Variants in KLHL13 observed in about 807,000 individuals in gnomAD.
KLHL13 encodes the protein kelch-like protein 13.
Under a neutral mutation model 37.1 loss-of-function variants are expected in KLHL13, and 10 were observed. The ratio of observed to expected loss-of-function variants is 0.27; its 90% CI spans 0.17 to 0.46. The LOEUF is 0.46. Among genes scored for constraint, KLHL13 ranks in the 20% least tolerant of loss-of-function variants. The pLI, the probability that KLHL13 is intolerant of heterozygous loss-of-function variation, is 1.00. For missense variants in KLHL13, 360 were observed against 509.3 expected, an observed-to-expected ratio of 0.71 and a Z score of 2.82; for synonymous variants, 163 against 181.2, an observed-to-expected ratio of 0.90 and a Z score of 0.81.
intron 1 of KLHL13, among the ~76,000 whole-genome samples, chrX:118,035,577 T>C (rs1027130314): frequency 1.8e-5 from 2 of 108,568 alleles, no homozygotes; most frequent in South Asian, 3.8e-4. Flanking sequence ...AAATTAGGTA[T>C]TGATGAGACA....
chrX:117,994,969 G>A (rs2053838388), intron 1 of KLHL13, among the ~76,000 whole-genome samples: 2 of 111,847 alleles, frequency 1.8e-5, no homozygotes, highest in African/African-American at 6.5e-5. Context: ...GATCACTTGA[G>A]TCATAGAGTT....
chrX:117,963,114 A>C (rs2053333243), intron 1 of KLHL13, among the ~76,000 whole-genome samples: 1 of 111,855 alleles, frequency 8.9e-6, no homozygotes. Context: ...TTTGTTATTG[A>C]AGATAAGTTA....
chrX:118,028,128 T>C (rs2148024854), intron 1 of KLHL13, among the ~76,000 whole-genome samples: 1 of 111,942 alleles, frequency 8.9e-6, no homozygotes, highest in South Asian at 3.7e-4. Flanking sequence ...TATTCAGATA[T>C]GCCTTTAAAA....
At chrX:117,951,474 G>C (rs1933598124) in intron 1 of KLHL13, among the ~76,000 whole-genome samples, 1 of 111,074 alleles carries the variant, frequency 9.0e-6, no homozygotes, top group Admixed American at 9.6e-5. Flanking sequence ...TGAGGTGTTT[G>C]CCTGAAAGGA....
chrX:117,952,134 C>T lies in KLHL13; in HGVS notation c.99-6559G>A, dbSNP rs757599620. Among the ~76,000 whole-genome samples, 15 of 111,771 alleles carry T rather than the reference C, an allele frequency of 1.3e-4. No individual in the cohort carries two copies. The East Asian group carries it at 3.4e-3, about 25-fold the overall frequency. On this transcript the variant is annotated intron_variant, in intron 1 of 6. Transcript: ENST00000262820. ...CAAAAGAACAAAGCTGGAGGCATCA[C>T]GCTACCTGATTTCAAACTGTACTAC...
intron 1 of KLHL13, among the ~76,000 whole-genome samples, chrX:117,954,860 T>C (rs1933823584): frequency 8.9e-6 from 1 of 112,123 alleles, no homozygotes. Context: ...GCAGTGAGCT[T>C]GCCTTCTCTT....
chrX:117,901,182 G>A lies in KLHL13; in HGVS notation c.1480+651C>T, dbSNP rs540597289. On this transcript the variant is annotated intron_variant, in intron 6 of 6. Coordinates refer to ENST00000262820, the Ensembl canonical transcript of KLHL13. ...AATGAACATTATTATGTACTATTAT[G>A]CATATTGGAAGCACGTTTTATGCAT... 6.3e-5 allele frequency among the ~76,000 whole-genome samples: 7 copies of A among 111,631 alleles called. No individual in the cohort carries two copies. The South Asian group carries it at 2.6e-3, about 42-fold the overall frequency.
chrX:118,091,369 T>A (rs1057174361), intron 1 of KLHL13, among the ~76,000 whole-genome samples: 9 of 111,783 alleles, frequency 8.1e-5, no homozygotes, highest in Admixed American at 4.7e-4. Context: ...TAAAAATGCT[T>A]CATTGAGCAA....
At chrX:117,946,229 G>C (rs1933312728) in intron 1 of KLHL13, 1 of 111,927 alleles carries the variant, frequency 8.9e-6, no homozygotes, top group Non-Finnish European at 1.9e-5. Flanking sequence ...TTTTCTAGCA[G>C]TATCTCTCAC....
At chrX:118,095,553 T>G (rs1334587731) in intron 1 of KLHL13, among the ~76,000 whole-genome samples, 2 of 111,585 alleles carry the variant, frequency 1.8e-5, no homozygotes, top group Non-Finnish European at 1.9e-5. Flanking sequence ...AACAGACATC[T>G]ACAGAACTCT....
chrX:117,964,314 T>C (rs999204177), intron 1 of KLHL13, among the ~76,000 whole-genome samples: 1 of 112,558 alleles, frequency 8.9e-6, no homozygotes, highest in Non-Finnish European at 1.9e-5. Context: ...GGTGTTTCCA[T>C]TGCCCTTAAA....
chrX:117,980,570 A>G (rs2053649188), intron 1 of KLHL13, among the ~76,000 whole-genome samples: 1 of 111,760 alleles, frequency 8.9e-6, no homozygotes, highest in African/African-American at 3.2e-5. Flanking sequence ...GGTTAAAAAT[A>G]CTTATAGAGT....
intron 1 of KLHL13, among the ~76,000 whole-genome samples, chrX:118,079,781 G>GA (rs200915697): frequency 0.013 from 1,405 of 111,319 alleles, 64 homozygotes; most frequent in Admixed American, 0.12. Flanking sequence ...CACAGAATTA[G>GA]AAAAAACTAT....
At chrX:117,966,277 AC>A (rs1369908481) in intron 1 of KLHL13, among the ~76,000 whole-genome samples, 46 of 111,972 alleles carry the variant, frequency 4.1e-4, no homozygotes, top group Non-Finnish European at 1.1e-4. Context: ...CAGAAAACAG[AC>A]AGCCAAATCA....
intron 1 of KLHL13, among the ~76,000 whole-genome samples, chrX:118,096,982 G>A (rs1489323338): frequency 9.0e-6 from 1 of 110,935 alleles, no homozygotes; most frequent in African/African-American, 3.3e-5. Flanking sequence ...ATACTGAATG[G>A]GCAAAAACTG....
intron 1 of KLHL13, among the ~76,000 whole-genome samples, chrX:118,096,367 C>A (rs1307885917): frequency 9.0e-6 from 1 of 111,439 alleles, no homozygotes; most frequent in South Asian, 3.8e-4. Context: ...CACCCTCCCA[C>A]GACTAAACCA....
intron 1 of KLHL13, among the ~76,000 whole-genome samples, chrX:117,952,134 C>G (rs757599620): frequency 1.6e-3 from 174 of 111,771 alleles, no homozygotes; most frequent in Non-Finnish European, 2.7e-3. Flanking sequence ...GGAGGCATCA[C>G]GCTACCTGAT....
chrX:118,049,342 T>G (rs1354348943), intron 1 of KLHL13, among the ~76,000 whole-genome samples: 1 of 112,076 alleles, frequency 8.9e-6, no homozygotes, highest in Non-Finnish European at 1.9e-5. Context: ...ATAATTGCAC[T>G]CCTCTAAATT....
At chrX:118,082,868 C>T (rs998568260) in intron 1 of KLHL13, among the ~76,000 whole-genome samples, 2 of 111,562 alleles carry the variant, frequency 1.8e-5, no homozygotes, top group African/African-American at 6.5e-5. Flanking sequence ...CTTTCCCTCA[C>T]TGAATGTTCC....
Sources: allele counts gnomAD v4.1 joint callset (sites outside exome capture counted in the v4.1 genomes callset), GRCh38; gene constraint gnomAD v4.1.1; transcripts MANE v1.5; gene names NCBI Gene and HGNC (gene_info 2026-07-23, HGNC 2026-07-21).